LOC128125817: variants seen among roughly 807,000 people sequenced by gnomAD.
chr1:41,601,564 T>C, the LOC128125817 span, among the ~76,000 whole-genome samples: 1 of 152,188 alleles, frequency 6.6e-6, no homozygotes, highest in Non-Finnish European at 1.5e-5. Context: ...TGTTAGTGTA[T>C]AGAAATGCCA....
At chr1:41,585,597 AG>A in the LOC128125817 span, among the ~76,000 whole-genome samples, 1 of 152,166 alleles carries the variant, frequency 6.6e-6, no homozygotes, top group South Asian at 2.1e-4. Context: ...TGAGAACAGA[AG>A]GCAAAGTGGG....
the LOC128125817 span, among the ~76,000 whole-genome samples, chr1:41,615,632 C>A: frequency 6.6e-6 from 1 of 152,160 alleles, no homozygotes. Context: ...CAGGAAAAGA[C>A]TGTGGGCAGA....
At chr1:41,592,405 T>C in the LOC128125817 span, among the ~76,000 whole-genome samples, 2 of 152,238 alleles carry the variant, frequency 1.3e-5, no homozygotes, top group Non-Finnish European at 2.9e-5. Context: ...CAGGTGACAG[T>C]GTGGCCAACT....
chr1:41,613,813 A>G, the LOC128125817 span, among the ~76,000 whole-genome samples: 2 of 152,158 alleles, frequency 1.3e-5, no homozygotes, highest in African/African-American at 4.8e-5. Flanking sequence ...ATCACTCCAC[A>G]TTCCCTTCCC....
the LOC128125817 span, among the ~76,000 whole-genome samples, chr1:41,613,348 G>C: frequency 1.3e-5 from 2 of 152,202 alleles, no homozygotes; most frequent in Non-Finnish European, 2.9e-5. Flanking sequence ...GGCGGGTCTC[G>C]TGACATTTTA....
At chr1:41,591,403 G>C in the LOC128125817 span, among the ~76,000 whole-genome samples, 2 of 152,130 alleles carry the variant, frequency 1.3e-5, no homozygotes, top group African/African-American at 4.8e-5. Context: ...CTGCATGCTG[G>C]AGCCAAGTGG....
chr1:41,591,719 A>G, the LOC128125817 span, among the ~76,000 whole-genome samples: 1 of 152,048 alleles, frequency 6.6e-6, no homozygotes, highest in African/African-American at 2.4e-5. Flanking sequence ...AGTGAGGACC[A>G]TGGCAGAGCG....
At chr1:41,610,144 T>A in the LOC128125817 span, among the ~76,000 whole-genome samples, 1 of 152,142 alleles carries the variant, frequency 6.6e-6, no homozygotes, top group Non-Finnish European at 1.5e-5. Context: ...CATGAGCCAA[T>A]TCCTTAAAAT....
the LOC128125817 span, among the ~76,000 whole-genome samples, chr1:41,589,231 G>A: frequency 6.6e-6 from 1 of 152,186 alleles, no homozygotes; most frequent in Non-Finnish European, 1.5e-5. Context: ...GACCAGAAGA[G>A]GATGGACAGC....
At chr1:41,623,906 G>A in the LOC128125817 span, among the ~76,000 whole-genome samples, 129 of 143,504 alleles carry the variant, frequency 9.0e-4, no homozygotes, top group Non-Finnish European at 1.7e-3. Flanking sequence ...GCCGATCAGA[G>A]TGACGTGTAT....
chr1:41,602,183 A>T, the LOC128125817 span, among the ~76,000 whole-genome samples: 3 of 151,234 alleles, frequency 2.0e-5, no homozygotes, highest in East Asian at 5.8e-4. Context: ...ATATTCATTA[A>T]GAATATTAGC....
the LOC128125817 span, among the ~76,000 whole-genome samples, chr1:41,589,186 GC>G: frequency 6.6e-6 from 1 of 152,154 alleles, no homozygotes; most frequent in Non-Finnish European, 1.5e-5. Context: ...AGAGAAATGG[GC>G]CCAGGAGCTG....
At chr1:41,623,094 A>T in the LOC128125817 span, among the ~76,000 whole-genome samples, 1 of 152,168 alleles carries the variant, frequency 6.6e-6, no homozygotes, top group African/African-American at 2.4e-5. Context: ...GCCAAGCTCC[A>T]GGGCTTCAGT....
chr1:41,599,982 A>AT, the LOC128125817 span, among the ~76,000 whole-genome samples: 2 of 152,304 alleles, frequency 1.3e-5, no homozygotes, highest in East Asian at 3.9e-4. Flanking sequence ...ACCATTACCA[A>AT]TTACTAGGGA....
the LOC128125817 span, among the ~76,000 whole-genome samples, chr1:41,604,077 T>C: frequency 2.6e-5 from 4 of 152,202 alleles, no homozygotes; most frequent in East Asian, 1.9e-4. Context: ...TTCTTGTGCA[T>C]TGTTAGTGGG....
the LOC128125817 span, among the ~76,000 whole-genome samples, chr1:41,619,572 C>T: frequency 4.6e-5 from 7 of 152,016 alleles, no homozygotes; most frequent in East Asian, 5.8e-4. Flanking sequence ...TAAGTAGGGC[C>T]GAAGGTAAGG....
chr1:41,606,811 T>C, the LOC128125817 span, among the ~76,000 whole-genome samples: 1 of 151,924 alleles, frequency 6.6e-6, no homozygotes, highest in East Asian at 1.9e-4. Flanking sequence ...CTGGAGCATC[T>C]TGCATGACTG....
At chr1:41,595,908 C>T in the LOC128125817 span, among the ~76,000 whole-genome samples, 10 of 152,288 alleles carry the variant, frequency 6.6e-5, no homozygotes, top group East Asian at 1.5e-3. Context: ...TGTGGGACCT[C>T]ACCTTGTGAT....
At chr1:41,609,538 G>A in the LOC128125817 span, among the ~76,000 whole-genome samples, 3,375 of 152,362 alleles carry the variant, frequency 0.022, 128 homozygotes, top group African/African-American at 0.077. Context: ...TCTACACTAA[G>A]TGTACCAGGA....
Sources: allele counts gnomAD v4.1 joint callset (sites outside exome capture counted in the v4.1 genomes callset), GRCh38; gene constraint gnomAD v4.1.1; transcripts MANE v1.5.